GANC: variants seen among roughly 807,000 people sequenced by gnomAD.
The protein encoded by GANC is neutral alpha-glucosidase C.
Under a neutral mutation model 124.2 loss-of-function variants are expected in GANC, and 117 were observed. That is an observed-to-expected ratio of 0.94 (90% CI 0.81 to 1.10). GANC has a LOEUF of 1.10. Among genes scored for constraint, GANC ranks in the 50% least tolerant of loss-of-function variants. The probability of loss-of-function intolerance (pLI) is 0.00; values close to 1 mark genes in which losing one functional copy is unlikely to be tolerated. For synonymous variants in GANC, 377 were observed against 376.8 expected, an observed-to-expected ratio of 1.00 and a Z score of -0.01; for missense variants, 1,140 against 1,095.0, an observed-to-expected ratio of 1.04 and a Z score of -0.58.
In GANC at chr15:42,337,755, C is replaced by T. The variant is rs2052293909; in HGVS notation, c.1742-634C>T. Among the ~76,000 whole-genome samples, 6 of 152,166 alleles carry T rather than the reference C, an allele frequency of 3.9e-5. No homozygotes were observed. The South Asian group carries it at 1.0e-3, about 26-fold the overall frequency. On this transcript the variant is annotated intron_variant, in intron 15 of 23. Transcript: ENST00000318010. Reference sequence around the variant, plus strand: ...AATGAGCAAAAGATTTCTATAGACACTTTTCAAAAGAAGATACATGAAGAG... The same window carrying T: ...AATGAGCAAAAGATTTCTATAGACATTTTTCAAAAGAAGATACATGAAGAG...
chr15:42,302,681 A>G (rs1365652828), intron 6 of GANC, among the ~76,000 whole-genome samples: 1 of 152,160 alleles, frequency 6.6e-6, no homozygotes, highest in African/African-American at 2.4e-5. Flanking sequence ...GAGCTGAAAA[A>G]CACAGCATGA....
At chr15:42,292,223 C>T (rs144869879) in intron 4 of GANC, among the ~76,000 whole-genome samples, 2 of 151,932 alleles carry the variant, frequency 1.3e-5, no homozygotes, top group East Asian at 3.9e-4. Flanking sequence ...AGAGATGGAC[C>T]CAATCTGTGT....
intron 22 of GANC, among the ~76,000 whole-genome samples, chr15:42,350,552 T>C (rs1161834508): frequency 1.3e-5 from 1 of 78,954 alleles, no homozygotes; most frequent in African/African-American, 1.4e-4. Flanking sequence ...CAGAGTTGTC[T>C]TTTTTTTTTT....
chr15:42,284,869 A>T (rs929737017), intron 3 of GANC, among the ~76,000 whole-genome samples: 1 of 152,190 alleles, frequency 6.6e-6, no homozygotes, highest in African/African-American at 2.4e-5. Context: ...CTATCCATTT[A>T]AAATTATTAG....
At chr15:42,351,273 G>A (rs944078034) in intron 22 of GANC, 56 bp from the exon 23 acceptor site, 7 of 1,227,788 alleles carry the variant, frequency 5.7e-6, no homozygotes, top group Non-Finnish European at 8.4e-6. Context: ...TGTTGAGCTG[G>A]TGGCCACTTC....
At chr15:42,306,420 G>A (rs1205306350) in intron 6 of GANC, 126 bp from the exon 7 acceptor site, 1 of 702,520 alleles carries the variant, frequency 1.4e-6, no homozygotes, top group African/African-American at 1.8e-5. Flanking sequence ...TCACACACTG[G>A]TCTTCTAAAA....
intron 3 of GANC, among the ~76,000 whole-genome samples, chr15:42,283,103 A>G (rs866530441): frequency 1.3e-5 from 2 of 152,220 alleles, no homozygotes; most frequent in Non-Finnish European, 2.9e-5. Flanking sequence ...GACACCATTC[A>G]GTCCATAGCA....
intron 2 of GANC, among the ~76,000 whole-genome samples, chr15:42,277,109 TGTATTTATA>T (rs1438426500): frequency 6.6e-6 from 1 of 152,240 alleles, no homozygotes; most frequent in Non-Finnish European, 1.5e-5. Context: ...CACATGCAGG[TGTATTTATA>T]GGATACCTTT....
intron 3 of GANC, among the ~76,000 whole-genome samples, chr15:42,284,789 T>G (rs968064103): frequency 2.0e-5 from 3 of 152,202 alleles, no homozygotes; most frequent in African/African-American, 7.2e-5. Context: ...GCTATATGCA[T>G]GTACCACCCA....
At chr15:42,327,566 G>A in intron 13 of GANC, 124 bp downstream of exon 13, 1 of 763,560 alleles carries the variant, frequency 1.3e-6, no homozygotes, top group African/African-American at 1.7e-5. Flanking sequence ...TTTATTAAAA[G>A]GCAAGTATGG....
At chr15:42,287,566 A>G (rs2051802274) in intron 3 of GANC, 125 bp from the exon 4 acceptor site, 6 of 943,550 alleles carry the variant, frequency 6.4e-6, no homozygotes, top group South Asian at 1.7e-5. Context: ...TTTAATTGCC[A>G]TTGTTCTCCA....
At position 42,310,444 on chromosome 15, in the gene GANC, A is replaced by T. The variant is rs911977406; in HGVS notation, c.884A>T (p.Asn295Ile). The change falls in exon 9 of 24, where the codon AAT (asparagine) becomes ATT (isoleucine). Residue 295 changes from asparagine (N) to isoleucine (I), a missense_variant. Coordinates refer to ENST00000318010, the MANE Select transcript of GANC (RefSeq NM_198141.3). ...GCCTCGGAAACACTGGTGGAGATCAATACAGAGCCTGCAGTAGAGGTGAGC... is the reference window on the plus strand; with the variant it reads ...GCCTCGGAAACACTGGTGGAGATCATTACAGAGCCTGCAGTAGAGGTGAGC... The part of the protein sequence containing the change: ...LNASETLVEI[N>I]TEPAVEYTLT... 6.2e-7 allele frequency: 1 copy of T among 1,609,282 alleles called. No homozygotes were observed. Among genetic ancestry groups the T allele is most frequent in the Non-Finnish European group, 8.5e-7 (1 of 1,177,888 alleles).
chr15:42,340,572 C>T, intron 17 of GANC, 118 bp from the exon 18 acceptor site: 1 of 765,740 alleles, frequency 1.3e-6, no homozygotes, highest in Non-Finnish European at 2.1e-6. Flanking sequence ...CCACGGCATT[C>T]CAGCCTGGGC....
chr15:42,274,470 G>T lies in GANC; in HGVS notation c.-12G>T. 1 of 1,610,204 alleles carries T rather than the reference G, an allele frequency of 6.2e-7. No homozygotes were observed. Among genetic ancestry groups the T allele is most frequent in the South Asian group, 1.1e-5 (1 of 89,868 alleles). On this transcript the variant is annotated 5_prime_UTR_variant, in exon 1 of 24. The change abolishes the stop of an existing upstream ORF in the 5' untranslated region. Transcript: ENST00000318010. The stretch of plus-strand genomic sequence containing the variant: ...CTGAGAGCTGGGAGCTGGTCGGAGT[G>T]ACAGAGAAGCCATGGAAGCAGCAGT...
intron 1 of GANC, among the ~76,000 whole-genome samples, chr15:42,275,406 G>C (rs1281424662): frequency 2.0e-5 from 3 of 152,082 alleles, no homozygotes; most frequent in Non-Finnish European, 4.4e-5. Context: ...TAAAATAAAC[G>C]GACAAAGACT....
At chr15:42,285,931 T>C (rs2051782662) in intron 3 of GANC, among the ~76,000 whole-genome samples, 1 of 152,154 alleles carries the variant, frequency 6.6e-6, no homozygotes, top group African/African-American at 2.4e-5. Context: ...GAAAACAGGG[T>C]TATTGCTCTC....
rs892425787 is a variant in GANC, at chr15:42,306,812, A to G, written c.625+200A>G. Among the ~76,000 whole-genome samples the G allele has an allele frequency of 3.9e-5, 6 of 152,232 alleles. No homozygotes were observed. The East Asian group carries it at 1.2e-3, about 29-fold the overall frequency. ...TTATTTGCCTTTTGTAGGAAGTGTA[A>G]AAGAAATATAGGCCACACGGAGCTT... On this transcript the variant is annotated intron_variant, in intron 7 of 23. Transcript: ENST00000318010.
intron 6 of GANC, among the ~76,000 whole-genome samples, chr15:42,300,014 G>A (rs2051930418): frequency 1.3e-5 from 2 of 152,116 alleles, no homozygotes; most frequent in South Asian, 4.1e-4. Flanking sequence ...AAAAACCCTA[G>A]AAGAAAACCT....
intron 5 of GANC, 150 bp from the exon 6 acceptor site, chr15:42,297,461 G>T (rs2051902163): frequency 1.8e-6 from 1 of 543,100 alleles, no homozygotes; most frequent in Non-Finnish European, 3.3e-6. Flanking sequence ...CTGCACCTGG[G>T]TTCATTTTTA....
Sources: allele counts gnomAD v4.1 joint callset (sites outside exome capture counted in the v4.1 genomes callset), GRCh38; gene constraint gnomAD v4.1.1; transcripts MANE v1.5; gene names NCBI Gene and HGNC (gene_info 2026-07-23, HGNC 2026-07-21).